The following MREG variants were observed in gnomAD, a reference collection of about 807,000 sequenced individuals.
MREG encodes the protein melanoregulin, also known as dilute suppressor protein homolog.
Under a neutral mutation model 28.5 loss-of-function variants are expected in MREG, and 31 were observed. The observed-to-expected ratio is 1.09, with a 90% CI of 0.82 to 1.47. The LOEUF (loss-of-function observed/expected upper bound fraction) is 1.47, where lower values mean the gene tolerates loss of function less well. MREG is among the 40% of genes most tolerant of loss of function. MREG has a pLI of 0.00. For synonymous variants in MREG, 106 were observed against 95.2 expected, an observed-to-expected ratio of 1.11 and a Z score of -0.66; for missense variants, 256 against 257.4, an observed-to-expected ratio of 0.99 and a Z score of 0.04.
chr2:216,008,064 C>T (rs1389794486), intron 1 of MREG, among the ~76,000 whole-genome samples: 3 of 152,162 alleles, frequency 2.0e-5, no homozygotes, highest in Admixed American at 6.5e-5. Context: ...AGCGACTTTA[C>T]AGAACCTAAC....
intron 1 of MREG, among the ~76,000 whole-genome samples, chr2:216,031,475 GAGAAAGAA>G (rs71047962): frequency 3.8e-5 from 5 of 132,816 alleles, no homozygotes; most frequent in Admixed American, 8.1e-5. Context: ...AAGAAAGAAA[GAGAAAGAA>G]AGAAAGAAAG....
At chr2:215,945,510 G>A (rs1692295762) in intron 4 of MREG, 61 bp downstream of exon 4, 4 of 1,570,144 alleles carry the variant, frequency 2.5e-6, no homozygotes, top group East Asian at 4.5e-5. Context: ...ATAGTGAATA[G>A]TTTTAAAAAG....
chr2:216,017,948 T>G (rs1231085625), upstream of MREG, among the ~76,000 whole-genome samples: 3 of 150,150 alleles, frequency 2.0e-5, no homozygotes, highest in Non-Finnish European at 4.4e-5. Context: ...GTCAGGAGTT[T>G]GAGACCAGCC....
intron 2 of MREG, among the ~76,000 whole-genome samples, chr2:215,988,520 G>T (rs1693638501): frequency 6.6e-6 from 1 of 152,156 alleles, no homozygotes; most frequent in African/African-American, 2.4e-5. Context: ...TACCCCAGTG[G>T]CAGTGGAACA....
intron 2 of MREG, among the ~76,000 whole-genome samples, chr2:215,957,043 G>A (rs1379747444): frequency 3.9e-5 from 6 of 152,084 alleles, no homozygotes; most frequent in African/African-American, 9.7e-5. Context: ...CTGGTTGTGC[G>A]GCTGACACAT....
At chr2:216,023,190 C>T (rs1305573218) in intron 1 of MREG, among the ~76,000 whole-genome samples, 22 of 152,206 alleles carry the variant, frequency 1.4e-4, no homozygotes, top group Admixed American at 1.4e-3. Context: ...TTAGACTTCC[C>T]CACAAAGGTT....
intron 1 of MREG, among the ~76,000 whole-genome samples, chr2:216,027,117 G>C (rs1694608437): frequency 6.6e-6 from 1 of 152,156 alleles, no homozygotes; most frequent in African/African-American, 2.4e-5. Context: ...CGTTTGCAAA[G>C]ACACCCTCCA....
intron 1 of MREG, among the ~76,000 whole-genome samples, chr2:216,031,005 G>GCT (rs1465324180): frequency 3.5e-5 from 5 of 141,534 alleles, no homozygotes; most frequent in African/African-American, 1.1e-4. Context: ...CTCTGTCCCT[G>GCT]CTCTCTCTCT....
rs1559173459 is a variant in MREG at position 215,949,068 on chromosome 2, ACTACTACTACTAC to A, written c.256-1968_256-1956del. ...TACTACTACTACTACTACTACTACT[ACTACTACTACTAC>A]TACTACTAATAATAATAATAATAAT... On this transcript the variant is annotated intron_variant, in intron 2 of 4. Coordinates refer to ENST00000263268, the MANE Select transcript of MREG (RefSeq NM_018000.3). Among the ~76,000 whole-genome samples, 257 of 140,616 alleles carry A rather than the reference ACTACTACTACTAC, an allele frequency of 1.8e-3. 1 individual carries two copies. The highest frequency in any genetic ancestry group is 3.6e-3 in the Middle Eastern group (1 of 276). 92.2% of individuals were successfully genotyped at this position (140,616 alleles called of 152,430 possible).
At chr2:215,971,570 C>A (rs1693097890) in intron 2 of MREG, among the ~76,000 whole-genome samples, 1 of 152,184 alleles carries the variant, frequency 6.6e-6, no homozygotes, top group South Asian at 2.1e-4. Flanking sequence ...TGGTCCTGAG[C>A]CAGTTCCTCC....
intron 2 of MREG, among the ~76,000 whole-genome samples, chr2:215,960,461 A>T (rs962712953): frequency 2.6e-5 from 4 of 152,232 alleles, no homozygotes; most frequent in African/African-American, 9.7e-5. Flanking sequence ...TTGTGAATAT[A>T]GAAAGCTGCA....
At chr2:215,990,630 T>G (rs1213921318) in intron 2 of MREG, among the ~76,000 whole-genome samples, 1 of 152,164 alleles carries the variant, frequency 6.6e-6, no homozygotes, top group Non-Finnish European at 1.5e-5. Context: ...GACCCATCAG[T>G]GTGCTATATT....
chr2:215,985,104 T>A (rs1283464877), intron 2 of MREG, among the ~76,000 whole-genome samples: 1 of 152,342 alleles, frequency 6.6e-6, no homozygotes, highest in East Asian at 1.9e-4. Flanking sequence ...TTCAGTGAGT[T>A]GTTGTTAAAG....
intron 2 of MREG, among the ~76,000 whole-genome samples, chr2:215,969,066 A>G (rs1214466092): frequency 6.6e-6 from 1 of 152,210 alleles, no homozygotes; most frequent in African/African-American, 2.4e-5. Context: ...GCATTGTCTG[A>G]TAAGAATTTA....
In MREG at chr2:216,012,553, C is replaced by T. The variant is rs1248182128; in HGVS notation, c.95+680G>A. On this transcript the variant is annotated intron_variant, in intron 1 of 4. Transcript: ENST00000263268. The stretch of plus-strand genomic sequence containing the variant: ...CCTGAGGCATGACCTAGTCCAGCCT[C>T]GATTTCAGCAAACTCAAGATAGAAA... 2.0e-5 allele frequency among the ~76,000 whole-genome samples: 3 copies of T among 152,248 alleles called. No homozygotes were observed. The East Asian group carries it at 5.8e-4, about 29-fold the overall frequency.
intron 2 of MREG, among the ~76,000 whole-genome samples, chr2:215,953,236 C>G (rs983790034): frequency 5.3e-5 from 8 of 152,268 alleles, no homozygotes; most frequent in African/African-American, 1.9e-4. Context: ...TAAGTACACT[C>G]AGACTTTCCC....
intron 2 of MREG, among the ~76,000 whole-genome samples, chr2:215,955,693 T>C (rs568202292): frequency 1.3e-5 from 2 of 152,178 alleles, no homozygotes; most frequent in Admixed American, 6.5e-5. Flanking sequence ...ATCTAAAAGA[T>C]AGAAAAAAAT....
intron 2 of MREG, among the ~76,000 whole-genome samples, chr2:215,988,367 T>A (rs907040759): frequency 2.6e-5 from 4 of 152,202 alleles, no homozygotes; most frequent in African/African-American, 9.6e-5. Context: ...CCAGCCTAGA[T>A]ACTATGCTTT....
Position 215,985,150 on chromosome 2 carries a change from GTGCCTGGCACTATTTT to G in MREG, c.255+11140_255+11155del, listed in dbSNP as rs547677761. On this transcript the variant is annotated intron_variant, in intron 2 of 4. Transcript: ENST00000263268. ...TAACATATGCAAAGTGGTTAGAACAGTGCCTGGCACTATTTTCATTATTATTAATATCTTAGAGAAT... is the reference window on the plus strand; with the variant it reads ...TAACATATGCAAAGTGGTTAGAACAGCATTATTATTAATATCTTAGAGAAT... Among the ~76,000 whole-genome samples, 963 of 152,308 alleles carry G rather than the reference GTGCCTGGCACTATTTT, an allele frequency of 6.3e-3. 31 individuals carry two copies. Among genetic ancestry groups the G allele is most frequent in the Admixed American group, 0.05 (763 of 15,294 alleles).
Sources: allele counts gnomAD v4.1 joint callset (sites outside exome capture counted in the v4.1 genomes callset), GRCh38; gene constraint gnomAD v4.1.1; transcripts MANE v1.5; gene names NCBI Gene and HGNC (gene_info 2026-07-23, HGNC 2026-07-21).